The following KLB variants were observed in gnomAD, a reference collection of about 807,000 sequenced individuals.
KLB encodes klotho beta, also known as beta-klotho.
Under a neutral mutation model 88.4 loss-of-function variants are expected in KLB, and 44 were observed. That is an observed-to-expected ratio of 0.50 (90% CI 0.39 to 0.64). The LOEUF (loss-of-function observed/expected upper bound fraction) is 0.64, where lower values mean the gene tolerates loss of function less well. Among genes scored for constraint, KLB ranks in the 30% least tolerant of loss-of-function variants. KLB has a pLI of 0.00. For synonymous variants in KLB, 548 were observed against 513.4 expected, an observed-to-expected ratio of 1.07 and a Z score of -0.91; for missense variants, 1,137 against 1,304.8, an observed-to-expected ratio of 0.87 and a Z score of 1.98.
rs1743883592 is a variant in KLB, at chr4:39,450,979, C to A, written c.*2293C>A. 1 of 152,068 alleles carries A rather than the reference C, an allele frequency of 6.6e-6. No individual in the cohort carries two copies. Among genetic ancestry groups the A allele is most frequent in the South Asian group, 2.1e-4 (1 of 4,832 alleles). 9.4% of individuals were successfully genotyped at this position (152,068 alleles called of 1,614,324 possible). ...CTCGTACTCACAGTTCACAAATTAA[C>A]CTTCACTGTCTCTTTCACATTAAGA... On this transcript the variant is annotated 3_prime_UTR_variant, in exon 5 of 5. Transcript: ENST00000257408.
intron 3 of KLB, among the ~76,000 whole-genome samples, chr4:39,441,341 T>C (rs1000483451): frequency 6.6e-6 from 1 of 152,172 alleles, no homozygotes; most frequent in African/African-American, 2.4e-5. Context: ...TTTTGCTAAA[T>C]GCTCCAAAAA....
intron 1 of KLB, among the ~76,000 whole-genome samples, chr4:39,433,851 C>G (rs368301363): frequency 5.3e-5 from 8 of 152,062 alleles, no homozygotes; most frequent in African/African-American, 1.9e-4. Flanking sequence ...CAGAGAAAGA[C>G]TCTGTCTCAA....
rs373819681 is a variant in KLB, at chr4:39,438,013, A to G, written c.1605+18A>G. On this transcript the variant is annotated intron_variant, in intron 3 of 4. Coordinates refer to ENST00000257408, the MANE Select transcript of KLB (RefSeq NM_175737.4). ...TTCTTAAGGTAAGTGGTTACTTCCAAATTAACCATAAACTGGGAAAAACAG... is the reference window on the plus strand; with the variant it reads ...TTCTTAAGGTAAGTGGTTACTTCCAGATTAACCATAAACTGGGAAAAACAG... 1 of 1,602,474 alleles carries G rather than the reference A, an allele frequency of 6.2e-7. No individual in the cohort carries two copies. Among genetic ancestry groups the G allele is most frequent in the Non-Finnish European group, 8.5e-7 (1 of 1,173,660 alleles).
chr4:39,431,400 C>T (rs62310828), intron 1 of KLB, among the ~76,000 whole-genome samples: 9,594 of 152,102 alleles, frequency 0.063, 366 homozygotes, highest in East Asian at 0.096. Flanking sequence ...TATAGGCATG[C>T]GCCACCACGA....
intron 1 of KLB, 95 bp downstream of exon 1, chr4:39,407,869 G>A (rs913666609): frequency 8.4e-5 from 59 of 705,942 alleles, no homozygotes; most frequent in Non-Finnish European, 1.2e-4. Context: ...CTGAAATCAA[G>A]GCAACTGATT....
At chr4:39,441,810 A>ATAAATAAAT (rs201109803) in intron 3 of KLB, 2 of 151,346 alleles carry the variant, frequency 1.3e-5, no homozygotes, top group African/African-American at 4.8e-5. Context: ...AAATAAATAA[A>ATAAATAAAT]GATGAATGGT....
At position 39,447,452 on chromosome 4, in the gene KLB, A is replaced by G. The variant is rs1743782073; in HGVS notation, c.2726A>G (p.Lys909Arg). The G allele has an allele frequency of 6.3e-7, 1 of 1,596,016 alleles. No homozygotes were observed. Among genetic ancestry groups the G allele is most frequent in the Non-Finnish European group, 8.5e-7 (1 of 1,169,958 alleles). The part of the protein sequence containing the change: ...DDRLRKYYLG[K>R]YLQEVLKAYL... The stretch of plus-strand genomic sequence containing the variant: ...CGGCTCCGGAAGTACTACCTAGGGA[A>G]GTACCTTCAGGAGGTGCTGAAAGGT... The change falls in exon 4 of 5, where the codon AAG becomes AGG. Residue 909 changes from lysine to arginine, a missense_variant. Lys to Arg is a conservative substitution (Grantham distance 26, BLOSUM62 2). Coordinates refer to ENST00000257408, the MANE Select transcript of KLB (RefSeq NM_175737.4).
chr4:39,448,504 T>C lies in KLB; in HGVS notation c.2953T>C (p.Cys985Arg), dbSNP rs777506280. 1.2e-6 allele frequency: 2 copies of C among 1,614,132 alleles called. No homozygotes were observed. The highest frequency in any genetic ancestry group is 1.7e-6 in the Non-Finnish European group (2 of 1,179,984). The change falls in exon 5 of 5, where the codon TGC becomes CGC. Residue 985 changes from cysteine to arginine, a missense_variant. Transcript: ENST00000257408. ...RCSQTQENTE[C>R]TVCLFLVQKK... is the part of the protein sequence containing the mutation. ...CAGTCAGACCCAAGAAAATACAGAGTGCACTGTCTGCTTATTCCTTGTGCA... is the reference window on the plus strand; with the variant it reads ...CAGTCAGACCCAAGAAAATACAGAGCGCACTGTCTGCTTATTCCTTGTGCA...
At chr4:39,445,693 T>TTTG (rs1743728066) in intron 3 of KLB, among the ~76,000 whole-genome samples, 1 of 150,832 alleles carries the variant, frequency 6.6e-6, no homozygotes. Context: ...TGTTTTTTTT[T>TTTG]TTTTTTTTAG....
chr4:39,430,295 C>T (rs1479991353), intron 1 of KLB, among the ~76,000 whole-genome samples: 1 of 150,854 alleles, frequency 6.6e-6, no homozygotes, highest in East Asian at 2.0e-4. Context: ...ATCACTGGGT[C>T]TTCCATGAAT....
intron 1 of KLB, among the ~76,000 whole-genome samples, chr4:39,411,521 G>T (rs1177998207): frequency 6.9e-6 from 1 of 144,818 alleles, no homozygotes; most frequent in African/African-American, 2.6e-5. Flanking sequence ...TTTTGGCTTG[G>T]CCATTTTTTT....
At chr4:39,447,574 A>G in intron 4 of KLB, 99 bp downstream of exon 4, 2 of 1,012,952 alleles carry the variant, frequency 2.0e-6, no homozygotes, top group Non-Finnish European at 2.8e-6. Context: ...GACAGCATCC[A>G]ATTTGTGGCA....
At chr4:39,435,219 G>C (rs1743447701) in intron 2 of KLB, among the ~76,000 whole-genome samples, 1 of 151,994 alleles carries the variant, frequency 6.6e-6, no homozygotes, top group African/African-American at 2.4e-5. Flanking sequence ...CTGGGTTCAA[G>C]CAATTCTCCT....
At chr4:39,437,196 T>A (rs766566394) in intron 2 of KLB, among the ~76,000 whole-genome samples, 2 of 152,226 alleles carry the variant, frequency 1.3e-5, no homozygotes, top group African/African-American at 2.4e-5. Context: ...CTCAGCCCCC[T>A]GCTCTTTAGC....
intron 1 of KLB, chr4:39,411,998 CTATA>C (rs1220156570): frequency 2.0e-5 from 3 of 151,362 alleles, no homozygotes; most frequent in Non-Finnish European, 2.9e-5. Flanking sequence ...ATACAATGGA[CTATA>C]TATACAGAAT....
intron 1 of KLB, among the ~76,000 whole-genome samples, chr4:39,408,016 C>G (rs567355357): frequency 6.6e-6 from 1 of 152,112 alleles, no homozygotes; most frequent in Non-Finnish European, 1.5e-5. Context: ...TTAAATCTAC[C>G]ATTATACACT....
chr4:39,431,768 C>G (rs1313676024), intron 1 of KLB, among the ~76,000 whole-genome samples: 2 of 152,226 alleles, frequency 1.3e-5, no homozygotes, highest in Non-Finnish European at 1.5e-5. Context: ...TGCCTACTTT[C>G]CCCATCTAAC....
chr4:39,439,123 C>A (rs1258108962), intron 3 of KLB, among the ~76,000 whole-genome samples: 1 of 151,500 alleles, frequency 6.6e-6, no homozygotes, highest in Non-Finnish European at 1.5e-5. Context: ...CCACCTCAAA[C>A]TTGAACTGGC....
In KLB at chr4:39,407,195, T is replaced by C; in HGVS notation, c.246T>C (p.Pro82=). 6.2e-7 allele frequency: 1 copy of C among 1,614,130 alleles called. No individual in the cohort carries two copies. Residue 82 remains proline, a synonymous_variant, in exon 1 of 5, where the codon CCT becomes CCC. Transcript: ENST00000257408. ...ESQLFLYDTF[P]KNFFWGIGTG... is the part of the protein sequence containing the mutation. The stretch of plus-strand genomic sequence containing the variant: ...AGCTGTTTCTCTATGACACTTTCCC[T>C]AAAAACTTTTTCTGGGGTATTGGGA...
Sources: allele counts gnomAD v4.1 joint callset (sites outside exome capture counted in the v4.1 genomes callset), GRCh38; gene constraint gnomAD v4.1.1; transcripts MANE v1.5; gene names NCBI Gene and HGNC (gene_info 2026-07-23, HGNC 2026-07-21).